ZFP41: variants seen among roughly 807,000 people sequenced by gnomAD.
ZFP41 encodes the protein zinc finger protein 41 homolog.
A neutral mutation model predicts 11.6 loss-of-function variants in ZFP41; 10 were observed. The observed-to-expected ratio is 0.86, with a 90% CI of 0.53 to 1.47. ZFP41 has a LOEUF of 1.47. ZFP41 is among the 40% of genes most tolerant of loss of function. The pLI is 0.00. For missense variants in ZFP41, 302 were observed against 264.6 expected (o/e 1.14, Z -0.98); for synonymous variants, 123 against 100.9 (o/e 1.22, Z -1.31).
intron 2 of ZFP41, among the ~76,000 whole-genome samples, chr8:143,259,527 G>A (rs1390340179): frequency 1.3e-5 from 2 of 152,174 alleles, no homozygotes; most frequent in African/African-American, 4.8e-5. Flanking sequence ...AAAACAGGGA[G>A]CACTTCCTCA....
At position 143,255,334 on chromosome 8, in the gene ZFP41, T is replaced by C. The variant is rs573995303; in HGVS notation, c.*900+3994T>C. Among the ~76,000 whole-genome samples the C allele has an allele frequency of 1.1e-4, 16 of 152,346 alleles. No individual in the cohort carries two copies. In the South Asian group the frequency reaches 3.1e-3, roughly 30 times the overall value. The stretch of plus-strand genomic sequence containing the variant: ...GGGTTGCCAAGAACAAGAACCGTAA[T>C]ACGTGACGTCGTAAGCACACTGCTG... On this transcript the variant is annotated intron_variant, in intron 2 of 2. Transcript: ENST00000330701.
rs186831321 is a variant in ZFP41 at position 143,250,986 on chromosome 8, C to T, written c.*546C>T. On this transcript the variant is annotated 3_prime_UTR_variant, in exon 2 of 3. Coordinates refer to ENST00000330701, the MANE Select transcript of ZFP41 (RefSeq NM_173832.6). The stretch of plus-strand genomic sequence containing the variant: ...TCCCTGCCCAGCCAGCTTCAGTGCC[C>T]GGGGCCGCTTGTCCCTGCCCGGCCT... 7.0e-5 allele frequency: 12 copies of T among 171,290 alleles called. No individual in the cohort carries two copies. Among genetic ancestry groups the T allele is most frequent in the African/African-American group, 2.2e-4 (9 of 41,670 alleles). 10.6% of individuals were successfully genotyped at this position (171,290 alleles called of 1,614,324 possible). A position where few individuals can be genotyped will look rare whatever the true frequency, so the allele number is the denominator to read the frequency against.
rs963572323 is a variant in ZFP41, at chr8:143,249,736, C to T, written c.-108C>T. The T allele has an allele frequency of 4.0e-5, 59 of 1,462,614 alleles. No homozygotes were observed. The Middle Eastern group carries it at 1.6e-3, about 40-fold the overall frequency. The allele number at this position is 1,462,614 out of a possible 1,614,324, so 90.6% of individuals were successfully genotyped here. A position where few individuals can be genotyped will look rare whatever the true frequency, so the allele number is the denominator to read the frequency against. ...TGGCCTCCTGGTGCAGAGCATCAGT[C>T]CCACGCTGGGAGTGTGGAGAGGTGC... On this transcript the variant is annotated 5_prime_UTR_variant, in exon 2 of 3. Coordinates refer to ENST00000330701, the MANE Select transcript of ZFP41 (RefSeq NM_173832.6).
At chr8:143,254,046 C>T (rs1428460413) in intron 2 of ZFP41, among the ~76,000 whole-genome samples, 2 of 152,190 alleles carry the variant, frequency 1.3e-5, no homozygotes, top group South Asian at 2.1e-4. Context: ...TGACAGGAGG[C>T]GGAGCTTAGG....
intron 2 of ZFP41, among the ~76,000 whole-genome samples, chr8:143,256,401 A>G (rs556178749): frequency 2.0e-5 from 3 of 150,692 alleles, no homozygotes; most frequent in Admixed American, 1.3e-4. Context: ...TAGTGAGATC[A>G]GGGCTCGCCC....
intron 2 of ZFP41, among the ~76,000 whole-genome samples, chr8:143,258,363 TCTG>T (rs773832756): frequency 2.0e-5 from 3 of 152,106 alleles, no homozygotes; most frequent in Non-Finnish European, 4.4e-5. Context: ...CCTGTAATCA[TCTG>T]CTGTCCTCCC....
At chr8:143,253,638 G>T (rs1814833090) in intron 2 of ZFP41, 1 of 152,250 alleles carries the variant, frequency 6.6e-6, no homozygotes, top group Non-Finnish European at 1.5e-5. Flanking sequence ...GGTGAAGGGT[G>T]CATTCGAGCT....
chr8:143,250,416 A>C lies in ZFP41; in HGVS notation c.573A>C (p.Lys191Asn). Residue 191 changes from lysine (K) to asparagine (N), a missense_variant, in exon 2 of 3, where the codon AAA becomes AAC. Coordinates refer to ENST00000330701, the MANE Select transcript of ZFP41 (RefSeq NM_173832.6). ...GCTCCTGTCTCATCCGCCATCAGAA[A>C]CGCCACCCTCGGAAGAAGCCCTGAG... ...AYSSCLIRHQ[K>N]RHPRKKP 6.2e-7 allele frequency: 1 copy of C among 1,611,474 alleles called. No homozygotes were observed. Among genetic ancestry groups the C allele is most frequent in the Non-Finnish European group, 8.5e-7 (1 of 1,178,304 alleles).
At chr8:143,259,000 C>T (rs148421559) in intron 2 of ZFP41, among the ~76,000 whole-genome samples, 251 of 152,346 alleles carry the variant, frequency 1.6e-3, no homozygotes, top group African/African-American at 5.7e-3. Context: ...ACCCAGGAGC[C>T]GCCTGTTGAC....
intron 1 of ZFP41, among the ~76,000 whole-genome samples, chr8:143,248,771 C>T (rs1440950042): frequency 1.3e-5 from 2 of 152,170 alleles, no homozygotes; most frequent in Non-Finnish European, 2.9e-5. Flanking sequence ...TCAGTTCTGG[C>T]GCCCACCTGA....
In ZFP41 at chr8:143,247,130, C is replaced by A. The variant is rs894572231; in HGVS notation, c.-167C>A. The A allele has an allele frequency of 1.3e-5, 2 of 152,420 alleles. No homozygotes were observed. Among genetic ancestry groups the A allele is most frequent in the African/African-American group, 4.8e-5 (2 of 41,464 alleles). 9.4% of individuals were successfully genotyped at this position (152,420 alleles called of 1,614,324 possible). On this transcript the variant is annotated 5_prime_UTR_variant, in exon 1 of 3. Transcript: ENST00000330701. ...GCAGCGGGAGGTCCTCGTCGCCTCT[C>A]GTCTCCAGCCAGGTACTCACTGGGC...
intron 2 of ZFP41, among the ~76,000 whole-genome samples, chr8:143,257,279 G>A (rs1322635590): frequency 6.6e-6 from 1 of 152,218 alleles, no homozygotes; most frequent in African/African-American, 2.4e-5. Flanking sequence ...ATCACCTGAG[G>A]ACAGGAGTTC....
At chr8:143,257,792 C>G (rs1407036017) in intron 2 of ZFP41, among the ~76,000 whole-genome samples, 2 of 152,222 alleles carry the variant, frequency 1.3e-5, no homozygotes, top group African/African-American at 4.8e-5. Context: ...CAGCCCAGCT[C>G]GAGGAGACAC....
chr8:143,258,517 G>A (rs1814963911), intron 2 of ZFP41, among the ~76,000 whole-genome samples: 1 of 152,114 alleles, frequency 6.6e-6, no homozygotes, highest in South Asian at 2.1e-4. Flanking sequence ...TGAGCCAGAC[G>A]CTGACATGCG....
At chr8:143,259,111 C>T (rs1191467836) in intron 2 of ZFP41, among the ~76,000 whole-genome samples, 6 of 152,188 alleles carry the variant, frequency 3.9e-5, no homozygotes, top group African/African-American at 9.7e-5. Flanking sequence ...CTGTCGGTAG[C>T]GAAGCGGGTA....
At chr8:143,249,028 A>G (rs950191588) in intron 1 of ZFP41, 1 of 151,980 alleles carries the variant, frequency 6.6e-6, no homozygotes, top group Non-Finnish European at 1.5e-5. Context: ...TACGACATGC[A>G]TATCAGCTCC....
At chr8:143,254,812 T>C (rs1270015873) in intron 2 of ZFP41, among the ~76,000 whole-genome samples, 1 of 152,050 alleles carries the variant, frequency 6.6e-6, no homozygotes, top group African/African-American at 2.4e-5. Flanking sequence ...TTTGTATTTT[T>C]AGTAGAGACG....
At chr8:143,254,450 G>A (rs1403075774) in intron 2 of ZFP41, among the ~76,000 whole-genome samples, 1 of 152,166 alleles carries the variant, frequency 6.6e-6, no homozygotes, top group Non-Finnish European at 1.5e-5. Flanking sequence ...GAGCTGCTCA[G>A]AGCAGGCATC....
Position 143,261,896 on chromosome 8 carries a change from TGCCACGCCCGTCTCC to T in ZFP41, c.*3024_*3038del, listed in dbSNP as rs1815050461. 1 of 73,684 alleles carries T rather than the reference TGCCACGCCCGTCTCC, an allele frequency of 1.4e-5. No homozygotes were observed. The highest frequency in any genetic ancestry group is 6.4e-5 in the African/African-American group (1 of 15,506). 4.6% of individuals were successfully genotyped at this position (73,684 alleles called of 1,614,324 possible). ...TGCCACGCCCGTCTCCGGCAGCACCTGCCACGCCCGTCTCCGGCAGCACCTGCCACGCCCGTCTCC... is the reference window on the plus strand; with the variant it reads ...TGCCACGCCCGTCTCCGGCAGCACCTGGCAGCACCTGCCACGCCCGTCTCC... On this transcript the variant is annotated 3_prime_UTR_variant, in exon 3 of 3. Transcript: ENST00000330701.
Sources: allele counts gnomAD v4.1 joint callset (sites outside exome capture counted in the v4.1 genomes callset), GRCh38; gene constraint gnomAD v4.1.1; transcripts MANE v1.5; gene names NCBI Gene and HGNC (gene_info 2026-07-23, HGNC 2026-07-21).